AKAP19: variants seen among roughly 807,000 people sequenced by gnomAD.
The protein encoded by AKAP19 is A-kinase anchoring protein 19.
At chr2:190,185,768 A>T in the AKAP19 span, among the ~76,000 whole-genome samples, 2 of 152,176 alleles carry the variant, frequency 1.3e-5, no homozygotes, top group African/African-American at 4.8e-5. Context: ...CAAAATCCTA[A>T]ATTACTGTTG....
chr2:189,982,942 G>A, the AKAP19 span, among the ~76,000 whole-genome samples: 1 of 152,110 alleles, frequency 6.6e-6, no homozygotes, highest in Non-Finnish European at 1.5e-5. Flanking sequence ...GCCTCTGATA[G>A]CAGGTTTTTT....
At chr2:189,967,748 A>G in the AKAP19 span, among the ~76,000 whole-genome samples, 1 of 151,594 alleles carries the variant, frequency 6.6e-6, no homozygotes, top group Non-Finnish European at 1.5e-5. Context: ...CAGGTGTTCA[A>G]TGGTATAGTG....
the AKAP19 span, among the ~76,000 whole-genome samples, chr2:190,179,517 G>C: frequency 0.04 from 6,148 of 152,202 alleles, 412 homozygotes; most frequent in African/African-American, 0.14. This position sits in a 1 kb window ranked among gnomAD's most constrained non-coding sequence, Gnocchi z 6.0. Context: ...AATCATACTA[G>C]CATGAAGAAA....
chr2:190,111,149 G>C, the AKAP19 span, among the ~76,000 whole-genome samples: 1,403 of 152,288 alleles, frequency 9.2e-3, 10 homozygotes, highest in Non-Finnish European at 0.015. Context: ...CATGGGCATA[G>C]CAAGGGGATT....
At chr2:189,928,529 T>C in the AKAP19 span, among the ~76,000 whole-genome samples, 7 of 152,128 alleles carry the variant, frequency 4.6e-5, no homozygotes, top group African/African-American at 1.4e-4. Flanking sequence ...CTTTATGTAA[T>C]TGGGTGGATA....
At chr2:190,151,740 G>A in the AKAP19 span, among the ~76,000 whole-genome samples, 27 of 150,946 alleles carry the variant, frequency 1.8e-4, no homozygotes, top group African/African-American at 2.4e-4. Flanking sequence ...AGTGGCTCAC[G>A]CCTGTAATCC....
At chr2:189,918,908 C>T in the AKAP19 span, among the ~76,000 whole-genome samples, 1 of 152,144 alleles carries the variant, frequency 6.6e-6, no homozygotes, top group Non-Finnish European at 1.5e-5. Context: ...GTATAAATAT[C>T]ACAACTGGTA....
the AKAP19 span, chr2:190,056,429 T>A: frequency 6.6e-6 from 1 of 152,042 alleles, no homozygotes; most frequent in Non-Finnish European, 1.5e-5. Context: ...CAAAATTACA[T>A]ACTTCTCCAA....
chr2:190,047,789 G>A, the AKAP19 span, among the ~76,000 whole-genome samples: 10 of 152,270 alleles, frequency 6.6e-5, no homozygotes, highest in Admixed American at 1.3e-4. Context: ...ATGACATACC[G>A]GGTGAGACTA....
chr2:190,176,326 A>G, the AKAP19 span, among the ~76,000 whole-genome samples: 38 of 152,248 alleles, frequency 2.5e-4, no homozygotes, highest in East Asian at 2.3e-3. The surrounding 1 kb of genome is among the most constrained non-coding windows in gnomAD (Gnocchi z 4.7). Context: ...GTTCAGGAAA[A>G]GTTTCAGGAG....
At chr2:189,924,644 G>A in the AKAP19 span, among the ~76,000 whole-genome samples, 1 of 152,140 alleles carries the variant, frequency 6.6e-6, no homozygotes. Context: ...CTTTGAGTTA[G>A]AAGTATGTGT....
At chr2:190,134,287 T>C in the AKAP19 span, among the ~76,000 whole-genome samples, 12 of 152,166 alleles carry the variant, frequency 7.9e-5, no homozygotes, top group Admixed American at 2.0e-4. Flanking sequence ...TAGAAATTGA[T>C]GTTACTCCTG....
the AKAP19 span, chr2:190,137,791 A>G: frequency 2.5e-4 from 1 of 3,984 alleles, no homozygotes. Flanking sequence ...TTCAGGAGCT[A>G]TCAGCCTATT....
chr2:190,184,779 G>A, the AKAP19 span, among the ~76,000 whole-genome samples: 1 of 152,190 alleles, frequency 6.6e-6, no homozygotes, highest in African/African-American at 2.4e-5. Context: ...AGTAGGAAAT[G>A]AGAATGGGTG....
the AKAP19 span, among the ~76,000 whole-genome samples, chr2:189,941,838 T>G: frequency 6.6e-6 from 1 of 152,178 alleles, no homozygotes; most frequent in South Asian, 2.1e-4. Flanking sequence ...TGAATATAAA[T>G]GGACTCAATT....
At chr2:190,158,406 A>C in the AKAP19 span, among the ~76,000 whole-genome samples, 1 of 152,234 alleles carries the variant, frequency 6.6e-6, no homozygotes. Flanking sequence ...TCATTTAAAA[A>C]ATTGGTGACG....
chr2:190,154,261 T>C, the AKAP19 span, among the ~76,000 whole-genome samples: 1,953 of 152,360 alleles, frequency 0.013, 22 homozygotes, highest in Non-Finnish European at 0.018. Context: ...TTCAAATTTA[T>C]TTGCACAGAG....
At chr2:189,965,865 A>G in the AKAP19 span, among the ~76,000 whole-genome samples, 12 of 152,190 alleles carry the variant, frequency 7.9e-5, no homozygotes, top group African/African-American at 7.2e-5. Context: ...ATAGAAGCAC[A>G]CTTTGCAATT....
the AKAP19 span, among the ~76,000 whole-genome samples, chr2:190,150,822 C>T: frequency 3.5e-4 from 52 of 150,350 alleles, 1 homozygote; most frequent in African/African-American, 1.1e-3. Flanking sequence ...TATTTGAAAG[C>T]GTTTGTTTCC....
Sources: gnomAD v4.1 joint callset for allele counts (sites outside exome capture counted in the v4.1 genomes callset) on GRCh38, gnomAD v4.1.1 for gene constraint, Gnocchi (gnomAD v3.1) non-coding constraint, MANE v1.5 for transcripts, NCBI Gene and HGNC (gene_info 2026-07-23, HGNC 2026-07-21) for gene names.